The following CASR variants were observed in gnomAD, a reference collection of about 807,000 sequenced individuals.
CASR encodes calcium sensing receptor.
CASR carries 23 observed loss-of-function variants against 69.1 expected under a neutral mutation model. The observed-to-expected ratio is 0.33, with a 90% CI of 0.24 to 0.47. The LOEUF (loss-of-function observed/expected upper bound fraction) is 0.47, where lower values mean the gene tolerates loss of function less well. Ranked by LOEUF, CASR falls within the 20% of genes least tolerant of loss-of-function variation. The probability of loss-of-function intolerance (pLI) is 1.00; values close to 1 mark genes in which losing one functional copy is unlikely to be tolerated. For synonymous variants in CASR, 541 were observed against 544.7 expected (o/e 0.99, Z 0.10); for missense variants, 924 against 1,356.1 (o/e 0.68, Z 5.00).
intron 1 of CASR, among the ~76,000 whole-genome samples, chr3:122,219,489 T>G (rs1462596797): frequency 6.6e-6 from 1 of 152,126 alleles, no homozygotes; most frequent in Non-Finnish European, 1.5e-5. Context: ...GTAGCTGGGA[T>G]CAGGGCCAGG....
chr3:122,285,164 T>A lies in CASR; in HGVS notation c.3210T>A (p.Thr1070=), dbSNP rs1260226810. 6.2e-7 allele frequency: 1 copy of A among 1,614,004 alleles called. No individual in the cohort carries two copies. Among genetic ancestry groups the A allele is most frequent in the East Asian group, 2.2e-5 (1 of 44,894 alleles). The change falls in exon 7 of 7, where the codon ACT becomes ACA. Residue 1070 remains threonine (T), a synonymous_variant. Transcript: ENST00000639785. ...TTGTCATCAGTGGTGGAGGCAGCAC[T>A]GTTACAGAAAACGTAGTGAATTCAT... The part of the protein sequence containing the change: ...QSFVISGGGS[T]VTENVVNS
intron 6 of CASR, 80 bp downstream of exon 6, chr3:122,282,316 TG>T: frequency 3.0e-6 from 4 of 1,352,736 alleles, no homozygotes; most frequent in Non-Finnish European, 4.2e-6. Flanking sequence ...ATGGAAGGGC[TG>T]GGCTGAGATG....
chr3:122,275,160 A>G (rs766749915), intron 4 of CASR, among the ~76,000 whole-genome samples: 19 of 152,390 alleles, frequency 1.2e-4, no homozygotes, highest in Admixed American at 3.9e-4. Context: ...AAATGTTTAC[A>G]TGACAACATG....
intron 1 of CASR, among the ~76,000 whole-genome samples, chr3:122,219,177 G>C (rs2074147195): frequency 6.6e-6 from 1 of 152,158 alleles, no homozygotes; most frequent in African/African-American, 2.4e-5. Context: ...TCTGTTGTGT[G>C]AAAAATGGGG....
rs2074966767 is a variant in CASR, at chr3:122,286,113, A to G, written c.*922A>G. ...GAATTCCTGAAGCCAGATCCACCCTATCCCTGTACAGAGTAAGTTCTCAAT... is the reference window on the plus strand; with the variant it reads ...GAATTCCTGAAGCCAGATCCACCCTGTCCCTGTACAGAGTAAGTTCTCAAT... On this transcript the variant is annotated 3_prime_UTR_variant, in exon 7 of 7. Transcript: ENST00000639785. 6.6e-6 allele frequency: 1 copy of G among 152,574 alleles called. No individual in the cohort carries two copies. The highest frequency in any genetic ancestry group is 2.4e-5 in the African/African-American group (1 of 41,402). The allele number at this position is 152,574 out of a possible 1,614,324, so 9.5% of individuals were successfully genotyped here.
intron 4 of CASR, among the ~76,000 whole-genome samples, chr3:122,264,654 T>C (rs1576861256): frequency 1.3e-5 from 2 of 152,060 alleles, no homozygotes; most frequent in Non-Finnish European, 2.9e-5. Context: ...GATAGGAAAA[T>C]GGGATCAGAA....
At chr3:122,274,717 C>G (rs1488783917) in intron 4 of CASR, among the ~76,000 whole-genome samples, 1 of 152,168 alleles carries the variant, frequency 6.6e-6, no homozygotes, top group African/African-American at 2.4e-5. Context: ...GCGTAGGCAA[C>G]ATAGTGAGAC....
intron 1 of CASR, among the ~76,000 whole-genome samples, chr3:122,200,825 C>T (rs2073941107): frequency 2.0e-5 from 3 of 152,192 alleles, no homozygotes; most frequent in South Asian, 4.1e-4. Context: ...TAAACTTGTT[C>T]ATTAGTGTAA....
chr3:122,258,588 C>T (rs2074583041), intron 3 of CASR, among the ~76,000 whole-genome samples: 1 of 151,924 alleles, frequency 6.6e-6, no homozygotes, highest in South Asian at 2.1e-4. Flanking sequence ...TTATTGTTAC[C>T]CCATGGCCAA....
rs1559954277 is a variant in CASR at position 122,252,413 on chromosome 3, G to GGAAGGAA, written c.-242-1535_-242-1534insGAAGGAA. ...AAGGAAGGAAGGAAGGAAGGAAAAA[G>GGAAGGAA]AAAGAAAGAAAGAAAGAAAGAAAGA... On this transcript the variant is annotated intron_variant, in intron 1 of 6. Coordinates refer to ENST00000639785, the MANE Select transcript of CASR (RefSeq NM_000388.4). Among the ~76,000 whole-genome samples the GGAAGGAA allele has an allele frequency of 6.8e-4, 14 of 20,708 alleles. 1 individual carries two copies. Among genetic ancestry groups the GGAAGGAA allele is most frequent in the African/African-American group, 2.4e-3 (12 of 5,106 alleles). The allele number at this position is 20,708 out of a possible 152,430, so 13.6% of individuals were successfully genotyped here. A position where few individuals can be genotyped will look rare whatever the true frequency, so the allele number is the denominator to read the frequency against.
chr3:122,227,244 T>G (rs1388202155), intron 1 of CASR, among the ~76,000 whole-genome samples: 4 of 150,628 alleles, frequency 2.7e-5, no homozygotes, highest in Admixed American at 2.6e-4. Context: ...TTGGCGGGAC[T>G]GGGCTCCATG....
intron 5 of CASR, among the ~76,000 whole-genome samples, chr3:122,280,053 G>T (rs2074869205): frequency 6.6e-6 from 1 of 151,992 alleles, no homozygotes; most frequent in Non-Finnish European, 1.5e-5. Flanking sequence ...TGGGGTGTTT[G>T]GTTTTCTGTT....
chr3:122,243,247 A>G (rs2074395003), intron 1 of CASR, among the ~76,000 whole-genome samples: 1 of 152,202 alleles, frequency 6.6e-6, no homozygotes, highest in Non-Finnish European at 1.5e-5. Context: ...AACCCACAGA[A>G]TGTGAGAAAA....
chr3:122,278,856 G>C (rs1420418414), intron 5 of CASR, among the ~76,000 whole-genome samples: 2 of 152,202 alleles, frequency 1.3e-5, no homozygotes, highest in Non-Finnish European at 2.9e-5. Flanking sequence ...AAGAGAAAAA[G>C]AGGCAAGGCA....
At position 122,275,010 on chromosome 3, in the gene CASR, G is replaced by A. The variant is rs1173542240; in HGVS notation, c.1378-802G>A. The stretch of plus-strand genomic sequence containing the variant: ...AGAGCGCAGGATTGTGACCCTGGAC[G>A]AGATACTTAAAGTTTTCAGTGCCTC... On this transcript the variant is annotated intron_variant, in intron 4 of 6. Transcript: ENST00000639785. 7.9e-5 allele frequency among the ~76,000 whole-genome samples: 12 copies of A among 152,298 alleles called. No homozygotes were observed. The South Asian group carries it at 8.3e-4, about 11-fold the overall frequency.
At chr3:122,266,801 G>A (rs929322202) in intron 4 of CASR, among the ~76,000 whole-genome samples, 2 of 152,024 alleles carry the variant, frequency 1.3e-5, no homozygotes, top group Non-Finnish European at 2.9e-5. Flanking sequence ...TCAGAAGTTC[G>A]AGACCAGCCT....
intron 1 of CASR, among the ~76,000 whole-genome samples, chr3:122,188,887 A>G (rs139047826): frequency 2.6e-4 from 40 of 152,348 alleles, no homozygotes; most frequent in African/African-American, 8.9e-4. Context: ...TCATCATGCA[A>G]TGCAGTCTTG....
At chr3:122,189,601 T>C (rs1448079742) in intron 1 of CASR, among the ~76,000 whole-genome samples, 1 of 152,228 alleles carries the variant, frequency 6.6e-6, no homozygotes, top group Non-Finnish European at 1.5e-5. Context: ...GAGAGGAAAC[T>C]AATTTTAGCC....
At chr3:122,229,319 T>G (rs1438311411) in intron 1 of CASR, among the ~76,000 whole-genome samples, 1 of 152,262 alleles carries the variant, frequency 6.6e-6, no homozygotes, top group East Asian at 1.9e-4. Flanking sequence ...TGTGTAGTGT[T>G]CATTTGCATT....
Sources: gnomAD v4.1 joint callset for allele counts (sites outside exome capture counted in the v4.1 genomes callset) on GRCh38, gnomAD v4.1.1 for gene constraint, MANE v1.5 for transcripts, NCBI Gene and HGNC (gene_info 2026-07-23, HGNC 2026-07-21) for gene names.